The following SPIRE1 variants were observed in gnomAD, a reference collection of about 807,000 sequenced individuals.
SPIRE1 encodes the protein protein spire homolog 1.
In SPIRE1, 40 loss-of-function variants were observed where a neutral mutation model predicts 94.1. That is an observed-to-expected ratio of 0.43 (90% CI 0.33 to 0.55). SPIRE1 has a LOEUF of 0.55. SPIRE1 is among the 20% of genes least tolerant of loss of function. The probability of loss-of-function intolerance (pLI) is 0.06; values close to 1 mark genes in which losing one functional copy is unlikely to be tolerated. For synonymous variants in SPIRE1, 376 were observed against 371.7 expected (o/e 1.01, Z -0.13); for missense variants, 838 against 975.2 (o/e 0.86, Z 1.87).
chr18:12,480,060 G>A (rs2032783165), intron 9 of SPIRE1, among the ~76,000 whole-genome samples, 189 bp from the exon 10 acceptor site: 2 of 152,114 alleles, frequency 1.3e-5, no homozygotes, highest in Admixed American at 1.3e-4. Flanking sequence ...ACTTTAAAAT[G>A]AATAATTACA....
chr18:12,625,401 A>G (rs2037593548), intron 2 of SPIRE1, among the ~76,000 whole-genome samples: 1 of 152,228 alleles, frequency 6.6e-6, no homozygotes, highest in Admixed American at 6.5e-5. Flanking sequence ...TGTTACCAGC[A>G]GTTACTGGAG....
intron 2 of SPIRE1, among the ~76,000 whole-genome samples, chr18:12,620,893 T>C (rs1352798868): frequency 5.3e-5 from 8 of 152,106 alleles, no homozygotes; most frequent in African/African-American, 1.7e-4. Flanking sequence ...TATTGGCAAA[T>C]CATGTATGTG....
intron 1 of SPIRE1, among the ~76,000 whole-genome samples, chr18:12,640,890 T>G (rs2038066246): frequency 6.6e-6 from 1 of 152,168 alleles, no homozygotes. Flanking sequence ...TATTGAAGGA[T>G]ACCAGGCAAG....
At chr18:12,654,803 G>A (rs1250296269) in intron 1 of SPIRE1, among the ~76,000 whole-genome samples, 1 of 152,084 alleles carries the variant, frequency 6.6e-6, no homozygotes, top group African/African-American at 2.4e-5. Context: ...GCCGAGGCAG[G>A]CGGATCATGA....
intron 12 of SPIRE1, among the ~76,000 whole-genome samples, chr18:12,458,349 C>T (rs367777469): frequency 6.6e-6 from 1 of 151,666 alleles, no homozygotes; most frequent in African/African-American, 2.4e-5. Flanking sequence ...CAGTGGCTCA[C>T]GCCTGTAATC....
intron 2 of SPIRE1, among the ~76,000 whole-genome samples, chr18:12,551,338 C>T (rs1175809306): frequency 6.6e-6 from 1 of 152,094 alleles, no homozygotes; most frequent in Non-Finnish European, 1.5e-5. Flanking sequence ...TTCTGAGTTC[C>T]TTTTTGTATA....
intron 2 of SPIRE1, among the ~76,000 whole-genome samples, chr18:12,554,964 A>G (rs970579757): frequency 1.3e-5 from 2 of 152,192 alleles, no homozygotes; most frequent in African/African-American, 4.8e-5. Context: ...TTACCAGATC[A>G]CTGCACCTGG....
In SPIRE1 at chr18:12,476,616, C is replaced by CACACATATAT. The variant is rs1205203730; in HGVS notation, c.1404+3082_1404+3083insATATATGTGT. Reference sequence around the variant, plus strand: ...ACACACACACACACACACATATATACACACACATATATATACACATATATA... The same window carrying CACACATATAT: ...ACACACACACACACACACATATATACACACATATATACACACATATATATACACATATATA... On this transcript the variant is annotated intron_variant, in intron 10 of 16. Transcript: ENST00000409402. Among the ~76,000 whole-genome samples the CACACATATAT allele has an allele frequency of 1.8e-3, 237 of 132,008 alleles. 2 individuals are homozygous for CACACATATAT. The highest frequency in any genetic ancestry group is 3.0e-3 in the South Asian group (13 of 4,266). 86.6% of individuals were successfully genotyped at this position (132,008 alleles called of 152,430 possible).
intron 2 of SPIRE1, among the ~76,000 whole-genome samples, chr18:12,624,174 G>C (rs1372565470): frequency 1.3e-5 from 2 of 151,688 alleles, no homozygotes; most frequent in South Asian, 4.2e-4. Flanking sequence ...CGCCCGCCTC[G>C]GCCTCCCAAA....
At chr18:12,645,430 A>G (rs994216790) in intron 1 of SPIRE1, among the ~76,000 whole-genome samples, 4 of 152,162 alleles carry the variant, frequency 2.6e-5, no homozygotes, top group African/African-American at 9.7e-5. Flanking sequence ...CCAAGCACCC[A>G]GGCAAGAAGT....
chr18:12,502,951 T>C (rs997397690), intron 6 of SPIRE1, among the ~76,000 whole-genome samples: 6 of 151,610 alleles, frequency 4.0e-5, no homozygotes, highest in Admixed American at 3.3e-4. Flanking sequence ...CTACTAAAAA[T>C]ACAAAAAAGT....
At chr18:12,644,818 G>A (rs2144864503) in intron 1 of SPIRE1, among the ~76,000 whole-genome samples, 2 of 152,262 alleles carry the variant, frequency 1.3e-5, no homozygotes, top group South Asian at 4.1e-4. Context: ...GATAGCAATG[G>A]CTCAGTAAAA....
intron 2 of SPIRE1, among the ~76,000 whole-genome samples, chr18:12,582,537 TA>T (rs1160121960): frequency 2.0e-5 from 3 of 152,170 alleles, no homozygotes; most frequent in Non-Finnish European, 4.4e-5. Flanking sequence ...CCACAATTAT[TA>T]ACTAAAGCAA....
chr18:12,594,652 T>C (rs565112859), intron 2 of SPIRE1, among the ~76,000 whole-genome samples: 84 of 152,336 alleles, frequency 5.5e-4, no homozygotes, highest in African/African-American at 2.0e-3. Flanking sequence ...CTTTTGCTTA[T>C]CTTTATTTTC....
At chr18:12,539,645 T>C (rs12185471) in intron 3 of SPIRE1, among the ~76,000 whole-genome samples, 22,535 of 147,886 alleles carry the variant, frequency 0.15, 1,990 homozygotes, top group African/African-American at 0.24. Context: ...TTAAGAAAAA[T>C]AGGCCAAGTG....
intron 9 of SPIRE1, among the ~76,000 whole-genome samples, chr18:12,484,140 G>A (rs143884660): frequency 6.6e-6 from 1 of 152,228 alleles, no homozygotes; most frequent in African/African-American, 2.4e-5. Flanking sequence ...TCAGCAATGT[G>A]TACCTAATTT....
At chr18:12,547,328 T>C (rs2035202707) in intron 2 of SPIRE1, among the ~76,000 whole-genome samples, 1 of 152,178 alleles carries the variant, frequency 6.6e-6, no homozygotes, top group Non-Finnish European at 1.5e-5. Context: ...TTCCATTCAA[T>C]CACTGAAAAC....
chr18:12,650,316 T>C (rs1279603164), intron 1 of SPIRE1, among the ~76,000 whole-genome samples: 3 of 152,052 alleles, frequency 2.0e-5, no homozygotes, highest in African/African-American at 7.2e-5. Flanking sequence ...TCCAGCACTT[T>C]GGTAGGCCAA....
At chr18:12,658,804 G>GT, upstream of SPIRE1, 2 of 316,192 alleles carry the variant, frequency 6.3e-6, no homozygotes, top group Non-Finnish European at 1.3e-5. Context: ...GATCTTTACG[G>GT]GTTTTCCTCA....
Sources: allele counts gnomAD v4.1 joint callset (sites outside exome capture counted in the v4.1 genomes callset), GRCh38; gene constraint gnomAD v4.1.1; transcripts MANE v1.5; gene names NCBI Gene and HGNC (gene_info 2026-07-23, HGNC 2026-07-21).